ITPR2: variants seen among roughly 807,000 people sequenced by gnomAD.
The protein encoded by ITPR2 is inositol 1,4,5-trisphosphate-gated calcium channel ITPR2.
Under a neutral mutation model 317.1 loss-of-function variants are expected in ITPR2, and 207 were observed. The observed-to-expected ratio is 0.65, with a 90% CI of 0.58 to 0.73. ITPR2 has a LOEUF of 0.73. ITPR2 is among the 30% of genes least tolerant of loss of function. ITPR2 has a pLI of 0.00. For missense variants in ITPR2, 2,613 were observed against 3,284.0 expected, an observed-to-expected ratio of 0.80 and a Z score of 4.99; for synonymous variants, 1,156 against 1,149.1, an observed-to-expected ratio of 1.01 and a Z score of -0.12.
At position 26,559,269 on chromosome 12, in the gene ITPR2, C is replaced by G. The variant is rs1280909406; in HGVS notation, c.4821+2493G>C. On this transcript the variant is annotated intron_variant, in intron 35 of 56. Coordinates refer to ENST00000381340, the MANE Select transcript of ITPR2 (RefSeq NM_002223.4). ...ATGAGTTGTCATCACACATAGAATA[C>G]AATTAAAATGCCTTAATATGTGCCT... 2.0e-5 allele frequency among the ~76,000 whole-genome samples: 3 copies of G among 152,200 alleles called. No individual in the cohort carries two copies. The South Asian group carries it at 6.2e-4, about 31-fold the overall frequency.
chr12:26,567,994 ATAT>A (rs1216738624), intron 34 of ITPR2, among the ~76,000 whole-genome samples: 2 of 5,364 alleles, frequency 3.7e-4, no homozygotes, highest in Non-Finnish European at 2.1e-3. Flanking sequence ...ATATATATAT[ATAT>A]TATATATATT....
intron 2 of ITPR2, among the ~76,000 whole-genome samples, chr12:26,789,663 G>A (rs922267059): frequency 6.6e-6 from 1 of 152,062 alleles, no homozygotes; most frequent in Admixed American, 6.5e-5. Context: ...CTCATTTGAG[G>A]AAATTATCAA....
intron 55 of ITPR2, among the ~76,000 whole-genome samples, chr12:26,361,985 T>C (rs1464823614): frequency 1.3e-5 from 2 of 152,240 alleles, no homozygotes; most frequent in Non-Finnish European, 2.9e-5. Flanking sequence ...AAGTCTTCTG[T>C]TATTCTCTAA....
chr12:26,786,594 C>A (rs926504113), intron 2 of ITPR2, among the ~76,000 whole-genome samples: 13 of 151,950 alleles, frequency 8.6e-5, no homozygotes, highest in African/African-American at 3.1e-4. Flanking sequence ...TTGAAATAAC[C>A]CTTTGGAAAT....
At chr12:26,704,825 T>G (rs1046812657) in intron 9 of ITPR2, among the ~76,000 whole-genome samples, 2 of 152,196 alleles carry the variant, frequency 1.3e-5, no homozygotes, top group African/African-American at 4.8e-5. Context: ...TCAGACAGAT[T>G]GTAAACAGTA....
chr12:26,797,370 A>C (rs920299148), intron 1 of ITPR2, among the ~76,000 whole-genome samples: 1 of 152,202 alleles, frequency 6.6e-6, no homozygotes, highest in Non-Finnish European at 1.5e-5. Context: ...CAACAACTAC[A>C]AAGAAAATGC....
intron 9 of ITPR2, 21 bp from the exon 10 acceptor site, chr12:26,695,671 T>G (rs751681793): frequency 1.2e-6 from 2 of 1,601,320 alleles, no homozygotes; most frequent in South Asian, 2.2e-5. Context: ...AAAGGAAAAT[T>G]TAGTTTTTCA....
intron 13 of ITPR2, among the ~76,000 whole-genome samples, chr12:26,675,484 G>A (rs1468448815): frequency 6.6e-6 from 1 of 151,972 alleles, no homozygotes; most frequent in Non-Finnish European, 1.5e-5. Flanking sequence ...CTCATAGGTG[G>A]GAATTGAACA....
Position 26,595,742 on chromosome 12 carries a change from T to A in ITPR2, c.4255-152A>T, listed in dbSNP as rs1945825911. The A allele has an allele frequency of 1.3e-5, 9 of 679,620 alleles. No homozygotes were observed. The South Asian group carries it at 1.8e-4, about 13-fold the overall frequency. 42.1% of individuals were successfully genotyped at this position (679,620 alleles called of 1,614,324 possible). A position where few individuals can be genotyped will look rare whatever the true frequency, so the allele number is the denominator to read the frequency against. On this transcript the variant is annotated intron_variant, in intron 31 of 56. Transcript: ENST00000381340. The stretch of plus-strand genomic sequence containing the variant: ...CAGAAAGTATTCTCATTTCTCTTCT[T>A]TTGCTAACAGTCCACTGACCTAAGG...
At chr12:26,817,229 A>G (rs954260446) in intron 1 of ITPR2, among the ~76,000 whole-genome samples, 2 of 151,028 alleles carry the variant, frequency 1.3e-5, no homozygotes, top group African/African-American at 4.9e-5. Flanking sequence ...GCACAGAGCT[A>G]GAGGAAGGAG....
At chr12:26,539,830 T>C (rs1195440226) in intron 37 of ITPR2, among the ~76,000 whole-genome samples, 1 of 152,210 alleles carries the variant, frequency 6.6e-6, no homozygotes, top group Non-Finnish European at 1.5e-5. Context: ...GTAACAGAGA[T>C]ATGCAAAGTA....
At chr12:26,756,643 T>C (rs1202727844) in intron 2 of ITPR2, among the ~76,000 whole-genome samples, 1 of 152,226 alleles carries the variant, frequency 6.6e-6, no homozygotes, top group East Asian at 1.9e-4. Context: ...GCTTTCTGAC[T>C]GAGCTCCTCC....
chr12:26,828,139 G>A (rs1345651804), intron 1 of ITPR2, among the ~76,000 whole-genome samples: 1 of 152,168 alleles, frequency 6.6e-6, no homozygotes, highest in Admixed American at 6.5e-5. Flanking sequence ...AGGCCATATG[G>A]CTAATTAGCA....
At chr12:26,634,016 G>A (rs1332301835) in intron 21 of ITPR2, among the ~76,000 whole-genome samples, 1 of 152,214 alleles carries the variant, frequency 6.6e-6, no homozygotes, top group African/African-American at 2.4e-5. Flanking sequence ...TTAAAATCCA[G>A]AGGCCAGATC....
intron 43 of ITPR2, among the ~76,000 whole-genome samples, chr12:26,478,705 T>C (rs879336837): frequency 6.6e-6 from 1 of 152,118 alleles, no homozygotes; most frequent in Non-Finnish European, 1.5e-5. Flanking sequence ...AATATCAGTG[T>C]TAGTGCAGGA....
chr12:26,412,963 A>G (rs533131663), intron 51 of ITPR2, among the ~76,000 whole-genome samples: 2 of 152,276 alleles, frequency 1.3e-5, no homozygotes, highest in South Asian at 4.1e-4. Context: ...AAGAGAGGCT[A>G]TAGGTGGGGA....
At chr12:26,788,773 T>C (rs728009) in intron 2 of ITPR2, among the ~76,000 whole-genome samples, 24,576 of 152,162 alleles carry the variant, frequency 0.16, 2,719 homozygotes, top group Non-Finnish European at 0.24. Flanking sequence ...CTCTGTGCTA[T>C]ATTCTGGGTG....
At chr12:26,772,249 G>A (rs944629465) in intron 2 of ITPR2, among the ~76,000 whole-genome samples, 1 of 151,154 alleles carries the variant, frequency 6.6e-6, no homozygotes, top group African/African-American at 2.4e-5. Context: ...TTCCCTACAG[G>A]CACAAATCTC....
In ITPR2 at chr12:26,608,821, TATC is replaced by T. The variant is rs532791945; in HGVS notation, c.3463-6118_3463-6116del. ...AAAAAAAAACACATCAGGAACCTAT[TATC>T]ATACAGCAATATGTCCCAGAAATTT... On this transcript the variant is annotated intron_variant, in intron 26 of 56. Transcript: ENST00000381340. Among the ~76,000 whole-genome samples, 544 of 151,704 alleles carry T rather than the reference TATC, an allele frequency of 3.6e-3. 5 individuals are homozygous for T. Among genetic ancestry groups the T allele is most frequent in the African/African-American group, 0.013 (524 of 41,374 alleles).
Sources: allele counts gnomAD v4.1 joint callset (sites outside exome capture counted in the v4.1 genomes callset), GRCh38; gene constraint gnomAD v4.1.1; transcripts MANE v1.5; gene names NCBI Gene and HGNC (gene_info 2026-07-23, HGNC 2026-07-21).